Variants in RBFOX1 observed in about 807,000 individuals in gnomAD.
The protein encoded by RBFOX1 is RNA binding fox-1 homolog 1, also known as RNA binding protein fox-1 homolog 1.
Under a neutral mutation model 57.7 loss-of-function variants are expected in RBFOX1, and 8 were observed. That is an observed-to-expected ratio of 0.14 (90% CI 0.08 to 0.25). The LOEUF is 0.25. Ranked by LOEUF, RBFOX1 falls within the 10% of genes least tolerant of loss-of-function variation. The pLI, the probability that RBFOX1 is intolerant of heterozygous loss-of-function variation, is 1.00. For synonymous variants in RBFOX1, 326 were observed against 222.4 expected, an observed-to-expected ratio of 1.47 and a Z score of -4.15; for missense variants, 611 against 548.5, an observed-to-expected ratio of 1.11 and a Z score of -1.14.
chr16:5,403,361 A>AAAAAAAC (rs1202113852), intron 1 of RBFOX1, among the ~76,000 whole-genome samples: 223 of 147,156 alleles, frequency 1.5e-3, no homozygotes, highest in Middle Eastern at 3.5e-3. Flanking sequence ...AAAAAAAAAA[A>AAAAAAAC]AAAAAACAAA....
chr16:7,120,848 C>G (rs891750160), intron 4 of RBFOX1, among the ~76,000 whole-genome samples: 4 of 150,112 alleles, frequency 2.7e-5, no homozygotes, highest in African/African-American at 9.8e-5. Context: ...CACACACACA[C>G]ACACACACAC....
intron 4 of RBFOX1, among the ~76,000 whole-genome samples, chr16:5,918,400 G>A (rs1248093366): frequency 2.0e-5 from 3 of 152,170 alleles, no homozygotes; most frequent in East Asian, 1.9e-4. Flanking sequence ...GATTATAGGC[G>A]AGAGCAACCA....
chr16:6,683,494 A>C (rs1307507124), intron 3 of RBFOX1, among the ~76,000 whole-genome samples: 1 of 152,254 alleles, frequency 6.6e-6, no homozygotes, highest in Non-Finnish European at 1.5e-5. Context: ...ACATGCATCC[A>C]AAACTATATA....
intron 2 of RBFOX1, among the ~76,000 whole-genome samples, chr16:5,533,321 G>A (rs956900344): frequency 6.6e-5 from 10 of 152,204 alleles, no homozygotes; most frequent in Non-Finnish European, 1.3e-4. Context: ...CTTATGGTAT[G>A]TGCTGGGCTA....
intron 3 of RBFOX1, among the ~76,000 whole-genome samples, chr16:6,729,937 G>C (rs1180831698): frequency 6.6e-6 from 1 of 152,096 alleles, no homozygotes; most frequent in Non-Finnish European, 1.5e-5. Context: ...ACTCCGAGAA[G>C]AGATAATGGC....
chr16:7,502,381 A>C (rs1250023550), intron 4 of RBFOX1, among the ~76,000 whole-genome samples: 3 of 152,240 alleles, frequency 2.0e-5, no homozygotes, highest in Non-Finnish European at 4.4e-5. Flanking sequence ...TCGAATAATT[A>C]AAAATACAGG....
intron 2 of RBFOX1, among the ~76,000 whole-genome samples, chr16:5,469,534 A>G (rs760651090): frequency 6.6e-6 from 1 of 152,190 alleles, no homozygotes; most frequent in Non-Finnish European, 1.5e-5. Context: ...ACATGAAGTT[A>G]GGCGTTTTAC....
intron 4 of RBFOX1, among the ~76,000 whole-genome samples, chr16:7,152,175 C>T (rs12443807): frequency 0.086 from 13,023 of 152,220 alleles, 662 homozygotes; most frequent in Middle Eastern, 0.12. Context: ...TGAGCTGATT[C>T]TTGGAGTTAG....
chr16:7,131,210 G>C (rs1350410989), intron 4 of RBFOX1, among the ~76,000 whole-genome samples: 1 of 151,930 alleles, frequency 6.6e-6, no homozygotes, highest in Non-Finnish European at 1.5e-5. Flanking sequence ...GCCAGGTGTG[G>C]TATCGCACAC....
At position 6,005,396 on chromosome 16, in the gene RBFOX1, A is replaced by G. The variant is rs569257625; in HGVS notation, c.351+138061A>G. 2.0e-5 allele frequency among the ~76,000 whole-genome samples: 3 copies of G among 152,366 alleles called. No individual in the cohort carries two copies. In the East Asian group the frequency reaches 5.8e-4, roughly 29 times the overall value. ...ATCTGCTATGGGCCAGGCACCTGCT[A>G]GAGCTGGGAGCACATTGAGAAATGC... On this transcript the variant is annotated intron_variant, in intron 4 of 19. Transcript: ENST00000641259.
intron 14 of RBFOX1, chr16:7,693,416 C>CCTT: frequency 2.6e-6 from 2 of 782,664 alleles, no homozygotes; most frequent in Non-Finnish European, 3.7e-6. Flanking sequence ...TCTCAGTATC[C>CCTT]TTTTTTTTTT....
Position 6,549,559 on chromosome 16 carries a change from AG to A in RBFOX1, c.-63-105040del, listed in dbSNP as rs1491401543. Among the ~76,000 whole-genome samples, 3 of 117,260 alleles carry A rather than the reference AG, an allele frequency of 2.6e-5. No homozygotes were observed. In the South Asian group the frequency reaches 9.4e-4, roughly 37 times the overall value. 76.9% of individuals were successfully genotyped at this position (117,260 alleles called of 152,430 possible). On this transcript the variant is annotated intron_variant, in intron 2 of 15. Coordinates refer to ENST00000550418, the MANE Select transcript of RBFOX1 (RefSeq NM_018723.4). ...AGGAGGGGAGGAGGAGGATGGGAGG[AG>A]GGGAGGAAGGGAGGAAGGAGGAGGA...
intron 3 of RBFOX1, among the ~76,000 whole-genome samples, chr16:5,674,215 G>A (rs2050100147): frequency 6.6e-6 from 1 of 152,210 alleles, no homozygotes; most frequent in African/African-American, 2.4e-5. Context: ...ATTCTGGAAG[G>A]AGCATAGGGT....
At chr16:6,147,392 C>A (rs1408358545) in intron 1 of RBFOX1, among the ~76,000 whole-genome samples, 3 of 152,162 alleles carry the variant, frequency 2.0e-5, no homozygotes, top group African/African-American at 7.2e-5. Context: ...GTCCCAAGCA[C>A]CCGGGAGCAT....
intron 3 of RBFOX1, among the ~76,000 whole-genome samples, chr16:6,928,213 C>G (rs1049845280): frequency 1.3e-5 from 2 of 152,270 alleles, no homozygotes; most frequent in Middle Eastern, 3.4e-3. Flanking sequence ...TGTCTGGGTA[C>G]TGCCCCCGAA....
intron 2 of RBFOX1, among the ~76,000 whole-genome samples, chr16:6,356,690 A>G (rs1180327409): frequency 6.6e-6 from 1 of 152,200 alleles, no homozygotes; most frequent in Non-Finnish European, 1.5e-5. Flanking sequence ...TTACCGTGGT[A>G]TCCTGGATGG....
intron 3 of RBFOX1, among the ~76,000 whole-genome samples, chr16:6,844,296 A>G (rs1193613658): frequency 1.3e-5 from 2 of 152,042 alleles, no homozygotes; most frequent in African/African-American, 2.4e-5. Flanking sequence ...AGGTCATCCC[A>G]TCACCTAGGT....
At chr16:6,995,366 T>G (rs1226719991) in intron 3 of RBFOX1, among the ~76,000 whole-genome samples, 1 of 150,476 alleles carries the variant, frequency 6.6e-6, no homozygotes, top group South Asian at 2.1e-4. Context: ...TGTGGCCAAC[T>G]TGGGGAGGGG....
rs527906277 is a variant in RBFOX1 at position 7,139,781 on chromosome 16, G to T, written c.27+87683G>T. Among the ~76,000 whole-genome samples the T allele has an allele frequency of 1.8e-4, 27 of 152,208 alleles. 1 individual carries two copies. The South Asian group carries it at 5.2e-3, about 29-fold the overall frequency. On this transcript the variant is annotated intron_variant, in intron 4 of 15. Coordinates refer to ENST00000550418, the MANE Select transcript of RBFOX1 (RefSeq NM_018723.4). Reference sequence around the variant, plus strand: ...GATTCTTTTTTTTTTAAGTTCATCGGTGAGCTTTCAGGGGGCAGTTTTAGT... The same window carrying T: ...GATTCTTTTTTTTTTAAGTTCATCGTTGAGCTTTCAGGGGGCAGTTTTAGT...
Sources: gnomAD v4.1 joint callset for allele counts (sites outside exome capture counted in the v4.1 genomes callset) on GRCh38, gnomAD v4.1.1 for gene constraint, MANE v1.5 for transcripts, NCBI Gene and HGNC (gene_info 2026-07-23, HGNC 2026-07-21) for gene names.